Variants in CDK1 observed in about 807,000 individuals in gnomAD.
CDK1 encodes cyclin-dependent kinase 1.
A neutral mutation model predicts 34.6 loss-of-function variants in CDK1; 5 were observed. The observed-to-expected ratio is 0.14, with a 90% CI of 0.08 to 0.30. CDK1 has a LOEUF of 0.30. Ranked by LOEUF, CDK1 falls within the 10% of genes least tolerant of loss-of-function variation. The probability of loss-of-function intolerance (pLI) is 1.00; values close to 1 mark genes in which losing one functional copy is unlikely to be tolerated. For synonymous variants in CDK1, 108 were observed against 114.7 expected, an observed-to-expected ratio of 0.94 and a Z score of 0.37; for missense variants, 157 against 345.7, an observed-to-expected ratio of 0.45 and a Z score of 4.33.
intron 2 of CDK1, among the ~76,000 whole-genome samples, chr10:60,780,962 A>G (rs1251615306): frequency 6.6e-6 from 1 of 152,134 alleles, no homozygotes; most frequent in Non-Finnish European, 1.5e-5. Context: ...ATAGTGAAAA[A>G]CAAGGGGGAA....
At chr10:60,778,890 T>A (rs2080247169) in intron 1 of CDK1, among the ~76,000 whole-genome samples, 2 of 152,170 alleles carry the variant, frequency 1.3e-5, no homozygotes, top group South Asian at 4.1e-4. Flanking sequence ...GGGTCTTGAT[T>A]GAAGCAAAAT....
Position 60,780,015 on chromosome 10 carries a change from A to C in CDK1, c.-25-126A>C. On this transcript the variant is annotated intron_variant, in intron 1 of 7. Coordinates refer to ENST00000395284, the MANE Select transcript of CDK1 (RefSeq NM_001786.5). Reference sequence around the variant, plus strand: ...TTGTAAATATTGTTTGAATGTAATTAATATTTATGGAATACTTATGCTGCA... The same window carrying C: ...TTGTAAATATTGTTTGAATGTAATTCATATTTATGGAATACTTATGCTGCA... The C allele has an allele frequency of 6.2e-6, 4 of 647,124 alleles. No homozygotes were observed. In the South Asian group the frequency reaches 7.0e-5, roughly 11 times the overall value. 40.1% of individuals were successfully genotyped at this position (647,124 alleles called of 1,614,324 possible).
At chr10:60,786,090 GC>G in intron 4 of CDK1, 10 of 1,022,854 alleles carry the variant, frequency 9.8e-6, no homozygotes, top group Non-Finnish European at 1.2e-5. Flanking sequence ...AGTAATGAAA[GC>G]CTAGGGCAGA....
intron 4 of CDK1, chr10:60,786,768 A>T (rs1471507890): frequency 1.5e-6 from 1 of 660,258 alleles, no homozygotes; most frequent in Non-Finnish European, 1.9e-6. Context: ...GCATATTAAG[A>T]TTGTTTTAAT....
intron 5 of CDK1, 63 bp downstream of exon 5, chr10:60,788,293 A>G (rs1296004796): frequency 1.7e-6 from 2 of 1,167,592 alleles, no homozygotes; most frequent in Non-Finnish European, 2.3e-6. Flanking sequence ...TATTTTCTGT[A>G]TTTGTGAAAG....
At chr10:60,782,458 C>T (rs1273923756) in intron 2 of CDK1, among the ~76,000 whole-genome samples, 2 of 152,102 alleles carry the variant, frequency 1.3e-5, no homozygotes, top group Non-Finnish European at 2.9e-5. Flanking sequence ...TGTTGTGATA[C>T]TAATCTTTGA....
chr10:60,792,800 A>G (rs1443517682), intron 7 of CDK1, among the ~76,000 whole-genome samples: 1 of 152,130 alleles, frequency 6.6e-6, no homozygotes, highest in East Asian at 1.9e-4. Flanking sequence ...TCCTTATGCC[A>G]CAAAATTAAG....
chr10:60,784,602 C>A, intron 2 of CDK1, 103 bp from the exon 3 acceptor site: 2 of 984,024 alleles, frequency 2.0e-6, no homozygotes, highest in Non-Finnish European at 1.5e-6. Flanking sequence ...TGCACTCCAA[C>A]CTGGACAAGA....
intron 4 of CDK1, chr10:60,786,413 A>T (rs979161908): frequency 9.7e-6 from 7 of 725,072 alleles, no homozygotes; most frequent in Non-Finnish European, 1.2e-5. Flanking sequence ...CATTATCAAG[A>T]CGTAGATCTA....
At chr10:60,780,784 G>A (rs1480030749) in intron 2 of CDK1, among the ~76,000 whole-genome samples, 3 of 151,884 alleles carry the variant, frequency 2.0e-5, no homozygotes, top group Admixed American at 6.6e-5. Context: ...TCTATATATG[G>A]CACAAATGAG....
Position 60,787,055 on chromosome 10 carries a change from G to A in CDK1, c.319-1005G>A, listed in dbSNP as rs1000633072. On this transcript the variant is annotated intron_variant, in intron 4 of 7. Coordinates refer to ENST00000395284, the MANE Select transcript of CDK1 (RefSeq NM_001786.5). ...ACTTAAAAACTGGGATACAGATTCT[G>A]CTTTATCTTTTTCCAAATGGCTAGC... 11 of 984,538 alleles carry A rather than the reference G, an allele frequency of 1.1e-5. No individual in the cohort carries two copies. The African/African-American group carries it at 1.4e-4, about 13-fold the overall frequency. 61.0% of individuals were successfully genotyped at this position (984,538 alleles called of 1,614,324 possible).
chr10:60,784,326 T>G (rs2080297329), intron 2 of CDK1, among the ~76,000 whole-genome samples: 1 of 152,192 alleles, frequency 6.6e-6, no homozygotes, highest in Non-Finnish European at 1.5e-5. Flanking sequence ...TGGGATTCAA[T>G]GATCTTGAAA....
At chr10:60,790,422 AT>A (rs1042792894) in intron 5 of CDK1, among the ~76,000 whole-genome samples, 1 of 151,984 alleles carries the variant, frequency 6.6e-6, no homozygotes, top group Non-Finnish European at 1.5e-5. Flanking sequence ...TGATTTTTAA[AT>A]TTTTTAGAGA....
At chr10:60,783,203 T>C (rs2132064557) in intron 2 of CDK1, among the ~76,000 whole-genome samples, 1 of 152,300 alleles carries the variant, frequency 6.6e-6, no homozygotes, top group South Asian at 2.1e-4. Context: ...TAAGGATGGC[T>C]GTGAGGATTA....
At chr10:60,779,880 A>G (rs955942940) in intron 1 of CDK1, among the ~76,000 whole-genome samples, 1 of 152,154 alleles carries the variant, frequency 6.6e-6, no homozygotes, top group Non-Finnish European at 1.5e-5. Context: ...CCTGAATTTG[A>G]GGGTTATTTT....
At chr10:60,789,922 T>C (rs1333574257) in intron 5 of CDK1, among the ~76,000 whole-genome samples, 1 of 152,182 alleles carries the variant, frequency 6.6e-6, no homozygotes, top group Non-Finnish European at 1.5e-5. Context: ...TTATTTTTTG[T>C]CTTTTGATGA....
chr10:60,793,055 C>A (rs935414359), intron 7 of CDK1, among the ~76,000 whole-genome samples: 1 of 152,036 alleles, frequency 6.6e-6, no homozygotes, highest in Non-Finnish European at 1.5e-5. Context: ...ATCCCAGTTG[C>A]GAACCATTAT....
chr10:60,789,450 C>T (rs889091057), intron 5 of CDK1, among the ~76,000 whole-genome samples: 12 of 152,174 alleles, frequency 7.9e-5, no homozygotes, highest in African/African-American at 2.4e-4. Flanking sequence ...CAACTTTTTA[C>T]GTTTTCAAAT....
At chr10:60,789,130 A>G (rs2456771) in intron 5 of CDK1, among the ~76,000 whole-genome samples, 114,192 of 152,006 alleles carry the variant, frequency 0.75, 43,120 homozygotes, top group East Asian at 0.84. Context: ...GCATTATTAT[A>G]CATATTTATG....
Sources: allele counts gnomAD v4.1 joint callset (sites outside exome capture counted in the v4.1 genomes callset), GRCh38; gene constraint gnomAD v4.1.1; transcripts MANE v1.5; gene names NCBI Gene and HGNC (gene_info 2026-07-23, HGNC 2026-07-21).